Variants in NRXN1 observed in about 807,000 individuals in gnomAD.
NRXN1 encodes neurexin 1, also known as neurexin-1.
Under a neutral mutation model 150.9 loss-of-function variants are expected in NRXN1, and 39 were observed. That is an observed-to-expected ratio of 0.26 (90% confidence interval 0.20 to 0.34). The LOEUF (loss-of-function observed/expected upper bound fraction) is 0.34. Among genes scored for constraint, NRXN1 ranks in the 10% least tolerant of loss-of-function variants. NRXN1 has a pLI of 1.00. For missense variants in NRXN1, 1,815 were observed against 1,949.9 expected (o/e 0.93, Z 1.30); for synonymous variants, 924 against 757.0 (o/e 1.22, Z -3.62).
intron 5 of NRXN1, among the ~76,000 whole-genome samples, chr2:50,751,932 C>T (rs770929955): frequency 7.2e-5 from 11 of 151,890 alleles, no homozygotes; most frequent in Non-Finnish European, 1.2e-4. Context: ...TCACCTAGCA[C>T]AGTGCCTAGT....
chr2:50,928,167 A>C (rs1687198166), intron 2 of NRXN1, among the ~76,000 whole-genome samples: 1 of 151,910 alleles, frequency 6.6e-6, no homozygotes, highest in Non-Finnish European at 1.5e-5. Flanking sequence ...ACAAATTCTG[A>C]CTCGACTAAA....
At chr2:50,083,269 T>C (rs1349888786) in intron 19 of NRXN1, among the ~76,000 whole-genome samples, 1 of 152,254 alleles carries the variant, frequency 6.6e-6, no homozygotes, top group Non-Finnish European at 1.5e-5. Context: ...GCCTAGTTGA[T>C]ATAATATCCT....
chr2:50,690,022 G>A (rs991223991), intron 5 of NRXN1, among the ~76,000 whole-genome samples: 1 of 151,872 alleles, frequency 6.6e-6, no homozygotes, highest in Non-Finnish European at 1.5e-5. Flanking sequence ...GAGTAGGTGG[G>A]ATTACAGGTG....
chr2:50,609,133 G>A (rs1455531917), intron 8 of NRXN1, among the ~76,000 whole-genome samples: 2 of 151,968 alleles, frequency 1.3e-5, no homozygotes, highest in African/African-American at 4.8e-5. Context: ...ATGATTTGTG[G>A]TCTCCAAGTT....
intron 2 of NRXN1, among the ~76,000 whole-genome samples, chr2:50,999,543 C>T (rs763059444): frequency 1.2e-4 from 18 of 152,088 alleles, no homozygotes; most frequent in Admixed American, 2.6e-4. Context: ...TGTGATGTCT[C>T]CCCCAGGCAC....
intron 17 of NRXN1, among the ~76,000 whole-genome samples, chr2:50,425,727 AGTT>A (rs1328082293): frequency 6.6e-6 from 1 of 151,946 alleles, no homozygotes; most frequent in Non-Finnish European, 1.5e-5. Flanking sequence ...TCTTCTTGTG[AGTT>A]TGATCTAAGG....
intron 5 of NRXN1, among the ~76,000 whole-genome samples, chr2:50,743,260 C>T (rs935540504): frequency 1.3e-5 from 2 of 152,098 alleles, no homozygotes; most frequent in East Asian, 3.9e-4. Flanking sequence ...CTAAATGCCT[C>T]GGTTTCCTTC....
At chr2:50,709,501 A>G (rs1694867798) in intron 5 of NRXN1, among the ~76,000 whole-genome samples, 1 of 152,138 alleles carries the variant, frequency 6.6e-6, no homozygotes, top group Admixed American at 6.6e-5. Context: ...CATATAACCT[A>G]TCATCCAAAC....
intron 17 of NRXN1, among the ~76,000 whole-genome samples, chr2:50,414,831 C>T (rs1244977062): frequency 6.6e-6 from 1 of 151,812 alleles, no homozygotes; most frequent in African/African-American, 2.4e-5. Flanking sequence ...GTTCGTAATA[C>T]CAAATATATC....
In NRXN1 at chr2:50,346,617, G is replaced by T; in HGVS notation, c.3365-109647C>A. The T allele has an allele frequency of 2.0e-6, 3 of 1,504,912 alleles. No homozygotes were observed. Among genetic ancestry groups the T allele is most frequent in the Non-Finnish European group, 2.8e-6 (3 of 1,084,150 alleles). The allele number at this position is 1,504,912 out of a possible 1,614,324, so 93.2% of individuals were successfully genotyped here. The stretch of plus-strand genomic sequence containing the variant: ...GCTCCCATTTCTCTGAGCCTTAGGA[G>T]CCCAGGAGCGAGTGCAGGGTAGAAA... On this transcript the variant is annotated intron_variant, in intron 17 of 22. Transcript: ENST00000401669. The surrounding 1 kb of genome is among the most constrained non-coding windows in gnomAD (Gnocchi z 5.0).
intron 17 of NRXN1, among the ~76,000 whole-genome samples, chr2:50,262,558 T>G (rs2068400250): frequency 6.6e-6 from 1 of 152,018 alleles, no homozygotes; most frequent in African/African-American, 2.4e-5. Context: ...TGAATACATG[T>G]TAAGATAATT....
chr2:50,656,512 G>A, intron 5 of NRXN1: 1 of 613,406 alleles, frequency 1.6e-6, no homozygotes, highest in African/African-American at 1.9e-5. Context: ...GGGGTGAAAG[G>A]GGAAGTTAAT....
chr2:50,442,263 G>A (rs1296630316), intron 17 of NRXN1, among the ~76,000 whole-genome samples: 1 of 152,110 alleles, frequency 6.6e-6, no homozygotes, highest in African/African-American at 2.4e-5. Context: ...CTAGCACATA[G>A]TGGTCCTACA....
intron 5 of NRXN1, among the ~76,000 whole-genome samples, chr2:50,890,810 T>C (rs1237565248): frequency 6.6e-6 from 1 of 151,946 alleles, no homozygotes; most frequent in Non-Finnish European, 1.5e-5. Flanking sequence ...AGATAACGAC[T>C]GTAGTGAAAC....
At chr2:50,762,313 G>C (rs188215204) in intron 5 of NRXN1, among the ~76,000 whole-genome samples, 1 of 151,708 alleles carries the variant, frequency 6.6e-6, no homozygotes, top group African/African-American at 2.4e-5. Flanking sequence ...AGCTCTAAGA[G>C]GTCATGTACT....
chr2:49,970,933 G>A (rs1573132075), intron 21 of NRXN1, among the ~76,000 whole-genome samples: 1 of 151,920 alleles, frequency 6.6e-6, no homozygotes, highest in African/African-American at 2.4e-5. Flanking sequence ...ATAATAAAAG[G>A]CACCACTTGA....
chr2:50,380,240 T>G (rs988068008), intron 17 of NRXN1, among the ~76,000 whole-genome samples: 9 of 151,792 alleles, frequency 5.9e-5, no homozygotes, highest in Non-Finnish European at 1.2e-4. Context: ...TCTACTCAAG[T>G]GTTTAGCTTA....
intron 5 of NRXN1, among the ~76,000 whole-genome samples, chr2:50,859,686 T>C (rs1483853049): frequency 2.0e-5 from 3 of 151,860 alleles, no homozygotes; most frequent in Non-Finnish European, 4.4e-5. Flanking sequence ...GTATAATGAC[T>C]GCAAGGTGCA....
intron 17 of NRXN1, among the ~76,000 whole-genome samples, chr2:50,324,636 G>A (rs1227644777): frequency 3.3e-5 from 5 of 152,200 alleles, no homozygotes; most frequent in African/African-American, 1.2e-4. Context: ...CCGCCTCCCG[G>A]GTTCACGCCA....
Sources: gnomAD v4.1 joint callset for allele counts (sites outside exome capture counted in the v4.1 genomes callset) on GRCh38, gnomAD v4.1.1 for gene constraint, Gnocchi (gnomAD v3.1) non-coding constraint, MANE v1.5 for transcripts, NCBI Gene and HGNC (gene_info 2026-07-23, HGNC 2026-07-21) for gene names.